BRWD3: variants seen among roughly 807,000 people sequenced by gnomAD.
BRWD3 encodes bromodomain and WD repeat domain containing 3, also known as bromodomain and WD repeat-containing protein 3.
BRWD3 carries 10 observed loss-of-function variants against 149.7 expected under a neutral mutation model. The ratio of observed to expected loss-of-function variants is 0.07; its 90% CI spans 0.04 to 0.11. The LOEUF (loss-of-function observed/expected upper bound fraction) is 0.11, where lower values mean the gene tolerates loss of function less well. BRWD3 is among the 10% of genes least tolerant of loss of function. BRWD3 has a pLI of 1.00. For synonymous variants in BRWD3, 504 were observed against 456.7 expected (o/e 1.10, Z -1.32); for missense variants, 940 against 1,373.2 (o/e 0.68, Z 4.99).
chrX:80,731,460 T>C (rs1010847936), intron 12 of BRWD3, among the ~76,000 whole-genome samples: 1 of 111,826 alleles, frequency 8.9e-6, no homozygotes, highest in South Asian at 3.7e-4. Flanking sequence ...ATTTATTTGG[T>C]GGTTTTTTCA....
intron 8 of BRWD3, among the ~76,000 whole-genome samples, chrX:80,741,465 A>C (rs1274483028): frequency 9.0e-6 from 1 of 111,567 alleles, no homozygotes; most frequent in Non-Finnish European, 1.9e-5. Context: ...TCTAGTTCCA[A>C]ATGCATGAGG....
Position 80,799,145 on chromosome X carries a change from A to G in BRWD3, c.181-5373T>C, listed in dbSNP as rs933592847. ...TTGATAGTTAGACTGGCTGACCTGA[A>G]GAGCAAATCTAATAACTGAATTACC... On this transcript the variant is annotated intron_variant, in intron 4 of 40. Coordinates refer to ENST00000373275, the MANE Select transcript of BRWD3 (RefSeq NM_153252.5). Among the ~76,000 whole-genome samples the G allele has an allele frequency of 1.1e-4, 12 of 112,479 alleles. No homozygotes were observed. The Admixed American group carries it at 1.1e-3, about 11-fold the overall frequency.
chrX:80,693,960 A>C (rs915137672), intron 27 of BRWD3, among the ~76,000 whole-genome samples: 16 of 111,745 alleles, frequency 1.4e-4, no homozygotes, highest in African/African-American at 5.2e-4. Flanking sequence ...GTTAGTCACC[A>C]AGAAAATGGG....
At chrX:80,693,777 G>A (rs1359657914) in intron 27 of BRWD3, among the ~76,000 whole-genome samples, 1 of 111,996 alleles carries the variant, frequency 8.9e-6, no homozygotes, top group Non-Finnish European at 1.9e-5. Context: ...TCAGTTTTAT[G>A]TATTCACAAA....
At chrX:80,705,468 A>T (rs776390758) in intron 22 of BRWD3, among the ~76,000 whole-genome samples, 8 of 111,511 alleles carry the variant, frequency 7.2e-5, no homozygotes, top group Non-Finnish European at 1.5e-4. Flanking sequence ...CTGAAGTGGG[A>T]TTGTTTTAAA....
At chrX:80,741,476 A>G (rs1602380831) in intron 8 of BRWD3, among the ~76,000 whole-genome samples, 1 of 111,801 alleles carries the variant, frequency 8.9e-6, no homozygotes, top group East Asian at 2.8e-4. Context: ...ATGCATGAGG[A>G]ATGGCCACAC....
rs757327494 is a variant in BRWD3, at chrX:80,725,057, T to C, written c.1397A>G (p.Asp466Gly). ...ATGGGCTTCTAGAACGAATACTTCATCATCATGTCCCTATAATAAAAATCA... is the reference window on the plus strand; with the variant it reads ...ATGGGCTTCTAGAACGAATACTTCACCATCATGTCCCTATAATAAAAATCA... The part of the protein sequence containing the change: ...QLLHTLSGHD[D>G]EVFVLEAHPF... The change falls in exon 15 of 41, where the codon GAT (aspartate) becomes GGT (glycine). Residue 466 changes from aspartate to glycine, a missense_variant. Transcript: ENST00000373275. 4 of 1,208,402 alleles carry C rather than the reference T, an allele frequency of 3.3e-6. No homozygotes were observed. The Admixed American group carries it at 8.7e-5, about 26-fold the overall frequency.
At position 80,669,696 on chromosome X, in the gene BRWD3, A is replaced by G. The variant is rs1260629619; in HGVS notation, c.*6913T>C. On this transcript the variant is annotated 3_prime_UTR_variant, in exon 41 of 41. Coordinates refer to ENST00000373275, the MANE Select transcript of BRWD3 (RefSeq NM_153252.5). The stretch of plus-strand genomic sequence containing the variant: ...CTTAACAGACTATACAAAATTGCCA[A>G]TACAAATTAACATGTTGTTATACAA... 9.0e-6 allele frequency among the ~76,000 whole-genome samples: 1 copy of G among 111,711 alleles called. No individual in the cohort carries two copies. Among genetic ancestry groups the G allele is most frequent in the Non-Finnish European group, 1.9e-5 (1 of 53,093 alleles).
intron 19 of BRWD3, chrX:80,717,277 T>G (rs964820375): frequency 1.6e-4 from 45 of 284,495 alleles, no homozygotes; most frequent in Non-Finnish European, 2.3e-4. Context: ...TATTTAATTA[T>G]GTAAGACCTC....
At chrX:80,719,403 TA>T (rs1302256718) in intron 18 of BRWD3, 85 bp downstream of exon 18, 5 of 903,624 alleles carry the variant, frequency 5.5e-6, no homozygotes, top group Non-Finnish European at 7.6e-6. Context: ...TTTATAAACG[TA>T]AAATATTTTC....
At chrX:80,800,178 A>G (rs1249176136) in intron 4 of BRWD3, among the ~76,000 whole-genome samples, 1 of 108,661 alleles carries the variant, frequency 9.2e-6, no homozygotes, top group Non-Finnish European at 1.9e-5. Flanking sequence ...TTCCAAGCAA[A>G]GAGAAAGGCA....
At chrX:80,803,101 CAAAAAAAA>C (rs61306754) in intron 4 of BRWD3, among the ~76,000 whole-genome samples, 1 of 24,057 alleles carries the variant, frequency 4.2e-5, no homozygotes, top group African/African-American at 1.0e-4. Context: ...GACTCCATCT[CAAAAAAAA>C]AAAAAAAAAA....
At chrX:80,755,022 A>G (rs978368048) in intron 6 of BRWD3, among the ~76,000 whole-genome samples, 1 of 111,271 alleles carries the variant, frequency 9.0e-6, no homozygotes, top group African/African-American at 3.3e-5. Context: ...TAAAAAAAAA[A>G]GGAATACTGA....
At chrX:80,733,573 T>A in intron 11 of BRWD3, 77 bp from the exon 12 acceptor site, 1 of 821,400 alleles carries the variant, frequency 1.2e-6, no homozygotes, top group Admixed American at 2.5e-5. Flanking sequence ...CTCAAATTCA[T>A]AGGCAAAAAC....
At chrX:80,786,937 A>C (rs746448083) in intron 6 of BRWD3, among the ~76,000 whole-genome samples, 79 of 111,774 alleles carry the variant, frequency 7.1e-4, no homozygotes, top group Non-Finnish European at 1.0e-3. Flanking sequence ...ATTTGCAGAC[A>C]ACAGGGTTAT....
Position 80,791,886 on chromosome X carries a change from A to T in BRWD3, c.398T>A (p.Leu133Gln), listed in dbSNP as rs961736251. Residue 133 changes from leucine to glutamine, a missense_variant, in exon 6 of 41, where the codon CTA becomes CAA. By Grantham distance (113) the Leu-to-Gln change is moderately radical (BLOSUM62 -2). Around this residue, in one of 6 missense-constraint regions of BRWD3, gnomAD observed 105 missense variants for 127.7 expected, o/e 0.82. Transcript: ENST00000373275. ...AALHRGRPPE[L>Q]PVNYVKPPNV... ...TGGAGGTTTCACATAATTTACAGGT[A>T]GTTCTGGAGGTCTGCCTCTATGCAG... 7 of 1,205,730 alleles carry T rather than the reference A, an allele frequency of 5.8e-6. No homozygotes were observed. The Admixed American group carries it at 8.8e-5, about 15-fold the overall frequency.
chrX:80,740,730 C>CA, intron 8 of BRWD3, among the ~76,000 whole-genome samples: 2 of 111,312 alleles, frequency 1.8e-5, no homozygotes, highest in Middle Eastern at 9.3e-3. Flanking sequence ...GCATGGGTGA[C>CA]AACAAAACAA....
intron 16 of BRWD3, 54 bp downstream of exon 16, chrX:80,723,694 T>G: frequency 5.1e-6 from 6 of 1,184,350 alleles, no homozygotes; most frequent in Non-Finnish European, 6.9e-6. Context: ...AAACAAAATT[T>G]GTGAATGACA....
chrX:80,713,848 A>G (rs1181076936), intron 20 of BRWD3, among the ~76,000 whole-genome samples: 1 of 112,192 alleles, frequency 8.9e-6, no homozygotes, highest in East Asian at 2.8e-4. Context: ...TCAAATTCCT[A>G]TCTCAAGGGT....
Sources: allele counts gnomAD v4.1 joint callset (sites outside exome capture counted in the v4.1 genomes callset), GRCh38; gene constraint gnomAD v4.1.1; regional missense constraint gnomAD v4.1.1; transcripts MANE v1.5; gene names NCBI Gene and HGNC (gene_info 2026-07-23, HGNC 2026-07-21).